The following OLFML2A variants were observed in gnomAD, a reference collection of about 807,000 sequenced individuals.
The protein encoded by OLFML2A is olfactomedin like 2A.
Under a neutral mutation model 60.9 loss-of-function variants are expected in OLFML2A, and 47 were observed. The ratio of observed to expected loss-of-function variants is 0.77; its 90% CI spans 0.61 to 0.98. The LOEUF is 0.98. Among genes scored for constraint, OLFML2A ranks in the 50% least tolerant of loss-of-function variants. OLFML2A has a pLI of 0.00. For missense variants in OLFML2A, 922 were observed against 879.8 expected (o/e 1.05, Z -0.61); for synonymous variants, 372 against 375.0 (o/e 0.99, Z 0.09).
intron 6 of OLFML2A, among the ~76,000 whole-genome samples, chr9:124,807,089 A>C (rs78929066): frequency 7.0e-6 from 1 of 142,430 alleles, no homozygotes; most frequent in Non-Finnish European, 1.5e-5. Context: ...AATTAAAAAA[A>C]TTTTTTTTTT....
At chr9:124,786,620 C>T (rs1281280102) in intron 1 of OLFML2A, among the ~76,000 whole-genome samples, 2 of 150,902 alleles carry the variant, frequency 1.3e-5, no homozygotes, top group Non-Finnish European at 3.0e-5. Context: ...ACTCGGGAGG[C>T]TGAGGCAGGA....
chr9:124,810,401 TTCGTGG>T lies in OLFML2A; in HGVS notation c.1951_1956del (p.Val651_Val652del). ...CCACCAGCTCACCTACACCCTCCAC[TTCGTGG>T]TCTGAGTGGAGACCTGTGCTCCCCG... is the stretch of plus-strand genomic sequence containing the variant. On this transcript the variant is annotated inframe_deletion, in exon 8 of 8. Transcript: ENST00000373580. The T allele has an allele frequency of 6.3e-7, 1 of 1,596,164 alleles. No homozygotes were observed. Among genetic ancestry groups the T allele is most frequent in the Non-Finnish European group, 8.5e-7 (1 of 1,176,988 alleles).
intron 2 of OLFML2A, among the ~76,000 whole-genome samples, chr9:124,789,774 C>A (rs1841538929): frequency 6.6e-6 from 1 of 152,190 alleles, no homozygotes; most frequent in South Asian, 2.1e-4. Flanking sequence ...TGAATGAATG[C>A]CAAGCTCTCA....
chr9:124,783,870 A>G (rs1170048261), intron 1 of OLFML2A, among the ~76,000 whole-genome samples: 2 of 152,236 alleles, frequency 1.3e-5, no homozygotes, highest in African/African-American at 2.4e-5. Flanking sequence ...TAATAGGTGC[A>G]GTAAAGAAAA....
chr9:124,801,750 C>T (rs1841784057), intron 5 of OLFML2A, 87 bp downstream of exon 5: 1 of 1,394,530 alleles, frequency 7.2e-7, no homozygotes, highest in African/African-American at 1.4e-5. Context: ...TGGGACCACC[C>T]CAGATTCAGT....
intron 1 of OLFML2A, among the ~76,000 whole-genome samples, chr9:124,781,541 C>T (rs1022851851): frequency 6.6e-6 from 1 of 152,180 alleles, no homozygotes; most frequent in Non-Finnish European, 1.5e-5. Context: ...CACCTGTAAT[C>T]CCAGCACTTT....
intron 6 of OLFML2A, among the ~76,000 whole-genome samples, chr9:124,807,328 G>A (rs564114020): frequency 1.5e-3 from 194 of 126,150 alleles, no homozygotes; most frequent in African/African-American, 5.5e-3. Flanking sequence ...CACTCTTGTC[G>A]CCCAGAGTGC....
chr9:124,780,066 A>T (rs1452448287), intron 1 of OLFML2A, among the ~76,000 whole-genome samples: 2 of 152,168 alleles, frequency 1.3e-5, no homozygotes, highest in Non-Finnish European at 2.9e-5. Flanking sequence ...TCATGTTTAT[A>T]ACTAGGTCTC....
chr9:124,808,012 T>C (rs1314334820), intron 7 of OLFML2A, 46 bp downstream of exon 7: 1 of 1,459,908 alleles, frequency 6.8e-7, no homozygotes. Flanking sequence ...ATGGACAACC[T>C]GGGGAGGGGT....
intron 5 of OLFML2A, among the ~76,000 whole-genome samples, chr9:124,802,365 C>G (rs538844120): frequency 6.6e-6 from 1 of 152,330 alleles, no homozygotes; most frequent in African/African-American, 2.4e-5. Context: ...CCTGCTCCTC[C>G]CCTTCCTAGG....
chr9:124,809,340 A>C (rs1841957301), intron 7 of OLFML2A, among the ~76,000 whole-genome samples: 1 of 152,056 alleles, frequency 6.6e-6, no homozygotes, highest in South Asian at 2.1e-4. Flanking sequence ...GGGATAAAAG[A>C]CAAAGGGTTA....
intron 1 of OLFML2A, among the ~76,000 whole-genome samples, chr9:124,785,491 G>A (rs934225347): frequency 1.9e-4 from 28 of 146,386 alleles, no homozygotes; most frequent in Non-Finnish European, 3.1e-4. Context: ...TCTGCCTCCC[G>A]GGTTCATGCC....
At chr9:124,809,697 G>T (rs1052729982) in intron 7 of OLFML2A, 111 bp from the exon 8 acceptor site, 138 of 1,274,720 alleles carry the variant, frequency 1.1e-4, no homozygotes, top group Non-Finnish European at 1.5e-4. Flanking sequence ...CACTGCACAT[G>T]CTTGGTATCA....
intron 5 of OLFML2A, among the ~76,000 whole-genome samples, 184 bp downstream of exon 5, chr9:124,801,847 G>C (rs1161882499): frequency 2.0e-5 from 3 of 152,196 alleles, no homozygotes; most frequent in African/African-American, 7.2e-5. Flanking sequence ...GGATGAGATG[G>C]CAGAACCAAC....
At chr9:124,794,979 C>T in intron 2 of OLFML2A, 45 bp from the exon 3 acceptor site, 1 of 1,185,968 alleles carries the variant, frequency 8.4e-7, no homozygotes, top group Non-Finnish European at 1.2e-6. Context: ...GTCTGGCCGG[C>T]CATGTGCTGC....
chr9:124,787,109 C>T lies in OLFML2A; in HGVS notation c.225C>T (p.Tyr75=). 1 of 1,614,234 alleles carries T rather than the reference C, an allele frequency of 6.2e-7. No individual in the cohort carries two copies. Among genetic ancestry groups the T allele is most frequent in the South Asian group, 1.1e-5 (1 of 91,088 alleles). ...RSGRARVEDF[Y]TVETVSSGTD... ...GGCGGGCACGCGTGGAGGACTTCTA[C>T]ACGGTGGAGACTGTGAGCTCGGGCA... Residue 75 remains tyrosine, a synonymous_variant, in exon 2 of 8, where the codon TAC becomes TAT. Coordinates refer to ENST00000373580, the MANE Select transcript of OLFML2A (RefSeq NM_182487.4).
intron 7 of OLFML2A, among the ~76,000 whole-genome samples, chr9:124,809,449 G>A (rs1841958957): frequency 6.6e-6 from 1 of 152,020 alleles, no homozygotes; most frequent in Non-Finnish European, 1.5e-5. Flanking sequence ...AGATGGGCAG[G>A]CATTCCCCAA....
chr9:124,787,282 G>A (rs752049128), intron 2 of OLFML2A, 44 bp downstream of exon 2: 1 of 1,567,412 alleles, frequency 6.4e-7, no homozygotes, highest in East Asian at 2.3e-5. Context: ...CCTATCATGA[G>A]CTGGAGCCTG....
chr9:124,797,677 A>C (rs1841692118), intron 3 of OLFML2A, among the ~76,000 whole-genome samples: 2 of 152,178 alleles, frequency 1.3e-5, no homozygotes, highest in South Asian at 4.1e-4. Context: ...TTAGCTGAAA[A>C]GTATACTCAG....
Sources: allele counts gnomAD v4.1 joint callset (sites outside exome capture counted in the v4.1 genomes callset), GRCh38; gene constraint gnomAD v4.1.1; transcripts MANE v1.5; gene names NCBI Gene and HGNC (gene_info 2026-07-23, HGNC 2026-07-21).